Variants in KCNQ5 observed in about 807,000 individuals in gnomAD.
KCNQ5 encodes the protein potassium voltage-gated channel subfamily Q member 5, also known as potassium voltage-gated channel subfamily KQT member 5.
A neutral mutation model predicts 98.2 loss-of-function variants in KCNQ5; 30 were observed. That is an observed-to-expected ratio of 0.31 (90% CI 0.23 to 0.41). The LOEUF (loss-of-function observed/expected upper bound fraction) is 0.41. KCNQ5 is among the 10% of genes least tolerant of loss of function. The probability of loss-of-function intolerance (pLI) is 1.00; values close to 1 mark genes in which losing one functional copy is unlikely to be tolerated. For missense variants in KCNQ5, 835 were observed against 1,182.5 expected, an observed-to-expected ratio of 0.71 and a Z score of 4.31; for synonymous variants, 458 against 449.4, an observed-to-expected ratio of 1.02 and a Z score of -0.24.
intron 1 of KCNQ5, among the ~76,000 whole-genome samples, chr6:72,804,231 C>T (rs1774831426): frequency 1.3e-5 from 2 of 152,038 alleles, no homozygotes; most frequent in African/African-American, 4.8e-5. Context: ...TGACTGTAGT[C>T]ACCCTGTTGT....
intron 1 of KCNQ5, among the ~76,000 whole-genome samples, chr6:72,821,582 A>G (rs1775753744): frequency 6.6e-6 from 1 of 151,298 alleles, no homozygotes; most frequent in Admixed American, 6.6e-5. Context: ...GTGACAGATT[A>G]GCCAGCTGCT....
chr6:72,920,328 A>G (rs1294889577), intron 1 of KCNQ5, among the ~76,000 whole-genome samples: 2 of 152,142 alleles, frequency 1.3e-5, no homozygotes, highest in Non-Finnish European at 2.9e-5. Flanking sequence ...CTGTCTCCTC[A>G]CTTCCAGTCA....
At chr6:72,730,318 T>C (rs1770495001) in intron 1 of KCNQ5, among the ~76,000 whole-genome samples, 1 of 152,206 alleles carries the variant, frequency 6.6e-6, no homozygotes, top group Non-Finnish European at 1.5e-5. Context: ...AGATTTTTTT[T>C]TGTTTTCTTT....
intron 1 of KCNQ5, among the ~76,000 whole-genome samples, chr6:72,812,188 G>A (rs1775275274): frequency 1.3e-5 from 2 of 152,110 alleles, no homozygotes; most frequent in Non-Finnish European, 2.9e-5. Context: ...ATTACATCCT[G>A]TTTTATCCGC....
At chr6:72,816,292 A>G (rs935476402) in intron 1 of KCNQ5, among the ~76,000 whole-genome samples, 4 of 152,226 alleles carry the variant, frequency 2.6e-5, no homozygotes, top group Admixed American at 6.5e-5. Flanking sequence ...AGATTAAGGC[A>G]TGAACAGGTG....
intron 5 of KCNQ5, among the ~76,000 whole-genome samples, chr6:73,103,638 TA>T (rs1180107054): frequency 6.6e-6 from 1 of 151,402 alleles, no homozygotes; most frequent in African/African-American, 2.4e-5. Context: ...GTATAATAAT[TA>T]AAAAAAATTA....
intron 1 of KCNQ5, among the ~76,000 whole-genome samples, chr6:72,682,112 A>G (rs968479777): frequency 2.6e-5 from 4 of 152,184 alleles, no homozygotes; most frequent in African/African-American, 9.7e-5. Context: ...TTCCTTAGAT[A>G]TTTTAATGCT....
chr6:72,857,485 A>G lies in KCNQ5; in HGVS notation c.399-146423A>G, dbSNP rs1026493897. Among the ~76,000 whole-genome samples, 9 of 152,310 alleles carry G rather than the reference A, an allele frequency of 5.9e-5. No individual in the cohort carries two copies. In the East Asian group the frequency reaches 1.7e-3, roughly 29 times the overall value. The stretch of plus-strand genomic sequence containing the variant: ...TTCTAATGTCGGTATATTTTACAGG[A>G]AGGGCAGTTTACATACAAAACAAGT... On this transcript the variant is annotated intron_variant, in intron 1 of 13. Transcript: ENST00000370398.
chr6:72,721,294 T>C (rs571195202), intron 1 of KCNQ5, among the ~76,000 whole-genome samples: 1 of 152,340 alleles, frequency 6.6e-6, no homozygotes, highest in African/African-American at 2.4e-5. Context: ...ACTTTTTTTT[T>C]CCTTTATGCT....
In KCNQ5 at chr6:73,132,263, A is replaced by G. The variant is rs543920893; in HGVS notation, c.1248-1158A>G. On this transcript the variant is annotated intron_variant, in intron 9 of 13. Coordinates refer to ENST00000370398, the MANE Select transcript of KCNQ5 (RefSeq NM_019842.4). Reference sequence around the variant, plus strand: ...ACAAAGGCTGCGGCTTTACTCTCTCAGAGTAGCTGCTCTGAGAGACTTCCC... The same window carrying G: ...ACAAAGGCTGCGGCTTTACTCTCTCGGAGTAGCTGCTCTGAGAGACTTCCC... Among the ~76,000 whole-genome samples, 193 of 152,240 alleles carry G rather than the reference A, an allele frequency of 1.3e-3. 2 individuals are homozygous for G. The highest frequency in any genetic ancestry group is 1.9e-3 in the Non-Finnish European group (132 of 68,004).
At chr6:72,706,049 T>C (rs1032528179) in intron 1 of KCNQ5, among the ~76,000 whole-genome samples, 7 of 152,094 alleles carry the variant, frequency 4.6e-5, no homozygotes, top group Admixed American at 4.6e-4. Flanking sequence ...GAGCTGATTA[T>C]TTTGGAATTT....
intron 1 of KCNQ5, among the ~76,000 whole-genome samples, chr6:72,672,496 A>G (rs186313108): frequency 2.0e-4 from 30 of 152,342 alleles, no homozygotes; most frequent in Admixed American, 1.5e-3. Context: ...ATTATTTCAT[A>G]GACATAAGTA....
rs200730063 is a variant in KCNQ5 at position 73,194,893 on chromosome 6, C to A, written c.2278C>A (p.Leu760Met). 6.2e-7 allele frequency: 1 copy of A among 1,614,200 alleles called. No individual in the cohort carries two copies. The highest frequency in any genetic ancestry group is 8.5e-7 in the Non-Finnish European group (1 of 1,180,040). ...IPPPLPAIKH[L>M]PRPETLHPNP... Reference sequence around the variant, plus strand: ...ACCTCCTCTCCCAGCCATCAAGCATCTGCCCAGGCCAGAAACTCTGCACCC... The same window carrying A: ...ACCTCCTCTCCCAGCCATCAAGCATATGCCCAGGCCAGAAACTCTGCACCC... Residue 760 changes from leucine (L) to methionine (M), a missense_variant, in exon 14 of 14, where the codon CTG (leucine) becomes ATG (methionine). Leu to Met is a conservative substitution (Grantham distance 15). Around this residue, in one of 10 missense-constraint regions of KCNQ5, gnomAD observed 416 missense variants for 446.9 expected, o/e 0.93. Coordinates refer to ENST00000370398, the MANE Select transcript of KCNQ5 (RefSeq NM_019842.4).
chr6:72,697,362 T>C (rs760352555), intron 1 of KCNQ5, among the ~76,000 whole-genome samples: 1 of 152,160 alleles, frequency 6.6e-6, no homozygotes, highest in African/African-American at 2.4e-5. Flanking sequence ...ATAGAAGTTA[T>C]AGGACACAAT....
At chr6:73,171,821 A>T (rs954047293) in intron 11 of KCNQ5, among the ~76,000 whole-genome samples, 2 of 152,196 alleles carry the variant, frequency 1.3e-5, no homozygotes, top group African/African-American at 4.8e-5. Context: ...CTGACTTGCA[A>T]CAAGTATGGA....
At chr6:73,054,768 T>C (rs1482660875) in intron 3 of KCNQ5, among the ~76,000 whole-genome samples, 1 of 152,130 alleles carries the variant, frequency 6.6e-6, no homozygotes, top group Non-Finnish European at 1.5e-5. Flanking sequence ...GAAGCATTCT[T>C]ATTAAACACC....
At chr6:73,024,383 A>ATAGATAGATAGATAGAT (rs1562133036) in intron 2 of KCNQ5, among the ~76,000 whole-genome samples, 1 of 149,568 alleles carries the variant, frequency 6.7e-6, no homozygotes, top group East Asian at 2.0e-4. Context: ...TAGATAGATG[A>ATAGATAGATAGATAGAT]TAGATAGATA....
rs1447324628 is a variant in KCNQ5 at position 72,839,542 on chromosome 6, TTGA to T, written c.399-164363_399-164361del. 2.0e-5 allele frequency among the ~76,000 whole-genome samples: 3 copies of T among 152,230 alleles called. No homozygotes were observed. In the East Asian group the frequency reaches 5.8e-4, roughly 29 times the overall value. On this transcript the variant is annotated intron_variant, in intron 1 of 13. Transcript: ENST00000370398. Reference sequence around the variant, plus strand: ...TTCTATTACATTACTCTAAAGGTTGTTGATGTTTTTGCTTTAAAAGACAATTAT... The same window carrying T: ...TTCTATTACATTACTCTAAAGGTTGTTGTTTTTGCTTTAAAAGACAATTAT...
At chr6:72,785,551 G>A (rs1773694418) in intron 1 of KCNQ5, among the ~76,000 whole-genome samples, 1 of 151,944 alleles carries the variant, frequency 6.6e-6, no homozygotes, top group African/African-American at 2.4e-5. Flanking sequence ...TCGGGAGGCT[G>A]AGTCAGGAGA....
Sources: allele counts gnomAD v4.1 joint callset (sites outside exome capture counted in the v4.1 genomes callset), GRCh38; gene constraint gnomAD v4.1.1; regional missense constraint gnomAD v4.1.1; transcripts MANE v1.5; gene names NCBI Gene and HGNC (gene_info 2026-07-23, HGNC 2026-07-21).